NXPH1: variants seen among roughly 807,000 people sequenced by gnomAD.
NXPH1 encodes the protein neurexophilin-1.
A neutral mutation model predicts 23.7 loss-of-function variants in NXPH1; 5 were observed. The observed-to-expected ratio is 0.21, with a 90% confidence interval of 0.11 to 0.44. The LOEUF is 0.44. Ranked by LOEUF, NXPH1 falls within the 20% of genes least tolerant of loss-of-function variation. The pLI, the probability that NXPH1 is intolerant of heterozygous loss-of-function variation, is 0.99. For synonymous variants in NXPH1, 144 were observed against 122.2 expected, an observed-to-expected ratio of 1.18 and a Z score of -1.18; for missense variants, 324 against 321.6, an observed-to-expected ratio of 1.01 and a Z score of -0.06.
chr7:8,746,004 G>C (rs1780464072), intron 2 of NXPH1, among the ~76,000 whole-genome samples: 2 of 152,072 alleles, frequency 1.3e-5, no homozygotes, highest in African/African-American at 2.4e-5. Context: ...ATGATTGCTG[G>C]AATGTTACAC....
intron 2 of NXPH1, among the ~76,000 whole-genome samples, chr7:8,696,756 G>A (rs541054781): frequency 1.1e-4 from 17 of 149,544 alleles, no homozygotes; most frequent in Non-Finnish European, 2.5e-4. Context: ...CAGGAGAATG[G>A]CGTGAACCCG....
At chr7:8,646,947 G>C (rs527582155) in intron 2 of NXPH1, among the ~76,000 whole-genome samples, 1 of 151,984 alleles carries the variant, frequency 6.6e-6, no homozygotes, top group South Asian at 2.1e-4. Flanking sequence ...GGGGTACATG[G>C]AGAGAACACA....
intron 2 of NXPH1, among the ~76,000 whole-genome samples, chr7:8,659,892 A>G (rs1241722278): frequency 6.6e-6 from 1 of 152,182 alleles, no homozygotes; most frequent in Non-Finnish European, 1.5e-5. Context: ...GATGCAACTT[A>G]TCATCCAGTG....
At chr7:8,574,280 T>C (rs1431345798) in intron 2 of NXPH1, among the ~76,000 whole-genome samples, 1 of 152,144 alleles carries the variant, frequency 6.6e-6, no homozygotes, top group Non-Finnish European at 1.5e-5. Flanking sequence ...ATTTTCAAAA[T>C]TAAAAACATT....
At chr7:8,690,248 C>A (rs1346587446) in intron 2 of NXPH1, 3 of 152,176 alleles carry the variant, frequency 2.0e-5, no homozygotes, top group Non-Finnish European at 4.4e-5. Flanking sequence ...TTAGTAGTCT[C>A]CCATTGCTTA....
intron 2 of NXPH1, among the ~76,000 whole-genome samples, chr7:8,517,109 TA>T: frequency 6.6e-6 from 1 of 151,958 alleles, no homozygotes; most frequent in Admixed American, 6.6e-5. Context: ...AACACAACAG[TA>T]AAGAAGATAG....
intron 2 of NXPH1, among the ~76,000 whole-genome samples, chr7:8,600,541 G>T (rs532217829): frequency 6.6e-6 from 1 of 152,176 alleles, no homozygotes; most frequent in African/African-American, 2.4e-5. Flanking sequence ...CCTGCTGTGT[G>T]GACCTGCATC....
At chr7:8,703,796 A>T (rs977843178) in intron 2 of NXPH1, among the ~76,000 whole-genome samples, 12 of 152,036 alleles carry the variant, frequency 7.9e-5, no homozygotes, top group African/African-American at 2.9e-4. Context: ...ATTCCTTATT[A>T]TTGCGGGCCA....
chr7:8,475,781 A>G (rs569808680), intron 2 of NXPH1, among the ~76,000 whole-genome samples: 142 of 152,280 alleles, frequency 9.3e-4, no homozygotes, highest in Non-Finnish European at 1.8e-3. Flanking sequence ...GAAGGATATA[A>G]TATCACATAT....
At chr7:8,736,300 C>G (rs949075278) in intron 2 of NXPH1, among the ~76,000 whole-genome samples, 1 of 152,134 alleles carries the variant, frequency 6.6e-6, no homozygotes, top group African/African-American at 2.4e-5. Context: ...ACTGCTTTAG[C>G]TGTATCCCAG....
intron 2 of NXPH1, among the ~76,000 whole-genome samples, chr7:8,644,109 G>C (rs1315186366): frequency 6.6e-6 from 1 of 152,146 alleles, no homozygotes; most frequent in Non-Finnish European, 1.5e-5. Flanking sequence ...CTTTTGAGGA[G>C]GTTTGCTTTG....
intron 2 of NXPH1, among the ~76,000 whole-genome samples, chr7:8,581,028 A>G (rs531354312): frequency 6.6e-6 from 1 of 152,302 alleles, no homozygotes; most frequent in South Asian, 2.1e-4. Context: ...GGGAGTTACA[A>G]TCAAGGACCA....
intron 2 of NXPH1, among the ~76,000 whole-genome samples, chr7:8,722,218 T>G (rs1779980955): frequency 6.6e-6 from 1 of 152,256 alleles, no homozygotes; most frequent in Admixed American, 6.5e-5. Context: ...AGCTTGCTGA[T>G]GGATTTATTT....
At chr7:8,708,598 G>T (rs1170382885) in intron 2 of NXPH1, among the ~76,000 whole-genome samples, 2 of 152,076 alleles carry the variant, frequency 1.3e-5, no homozygotes, top group Non-Finnish European at 2.9e-5. Flanking sequence ...CTGATCTCAG[G>T]TGATTTGCCT....
intron 2 of NXPH1, among the ~76,000 whole-genome samples, chr7:8,557,144 T>C (rs1562401365): frequency 1.3e-5 from 2 of 151,730 alleles, no homozygotes; most frequent in Non-Finnish European, 3.0e-5. Context: ...GTTTAGAACC[T>C]GTGTTTGGGT....
At chr7:8,727,164 G>A (rs1211793463) in intron 2 of NXPH1, among the ~76,000 whole-genome samples, 8 of 133,974 alleles carry the variant, frequency 6.0e-5, no homozygotes, top group South Asian at 2.4e-4. Flanking sequence ...CATGTCCTTC[G>A]CCCACTTTTT....
At chr7:8,558,965 TTTTTA>T (rs1324854737) in intron 2 of NXPH1, among the ~76,000 whole-genome samples, 6 of 151,758 alleles carry the variant, frequency 4.0e-5, no homozygotes. Context: ...TATTGGGATC[TTTTTA>T]TTTTATTTTA....
At chr7:8,539,445 G>GA (rs1432532695) in intron 2 of NXPH1, among the ~76,000 whole-genome samples, 1 of 151,622 alleles carries the variant, frequency 6.6e-6, no homozygotes, top group Admixed American at 6.6e-5. Context: ...AGCAGAAATA[G>GA]AAAAAAGTGA....
chr7:8,437,834 C>A (rs936508859), intron 2 of NXPH1, among the ~76,000 whole-genome samples: 1 of 152,188 alleles, frequency 6.6e-6, no homozygotes, highest in Non-Finnish European at 1.5e-5. Context: ...TACCTGAATG[C>A]CTTTTGGCAA....
Sources: allele counts gnomAD v4.1 joint callset (sites outside exome capture counted in the v4.1 genomes callset), GRCh38; gene constraint gnomAD v4.1.1; transcripts MANE v1.5; gene names NCBI Gene and HGNC (gene_info 2026-07-23, HGNC 2026-07-21).